The following NEMP2 variants were observed in gnomAD, a reference collection of about 807,000 sequenced individuals.
NEMP2 encodes the protein nuclear envelope integral membrane protein 2.
NEMP2 carries 53 observed loss-of-function variants against 54.2 expected under a neutral mutation model. The ratio of observed to expected loss-of-function variants is 0.98; its 90% CI spans 0.78 to 1.23. The LOEUF (loss-of-function observed/expected upper bound fraction) is 1.23. NEMP2 is among the 50% of genes most tolerant of loss of function. The probability of loss-of-function intolerance (pLI) is 0.00; values close to 1 mark genes in which losing one functional copy is unlikely to be tolerated. For missense variants in NEMP2, 455 were observed against 511.3 expected, an observed-to-expected ratio of 0.89 and a Z score of 1.06; for synonymous variants, 197 against 190.3, an observed-to-expected ratio of 1.04 and a Z score of -0.29.
At chr2:190,447,586 G>A in the NEMP2 span, among the ~76,000 whole-genome samples, 1 of 152,140 alleles carries the variant, frequency 6.6e-6, no homozygotes, top group Admixed American at 6.5e-5. This position sits in a 1 kb window ranked among gnomAD's most constrained non-coding sequence, Gnocchi z 4.5. Context: ...TTAGTGCCAC[G>A]TTTTAGGCAT....
chr2:190,643,029 T>TTTG, the NEMP2 span, among the ~76,000 whole-genome samples: 2 of 149,410 alleles, frequency 1.3e-5, no homozygotes, highest in Admixed American at 6.7e-5. Context: ...TAAGGTTTTT[T>TTTG]TTTTTTTTTT....
At chr2:190,473,386 A>G in the NEMP2 span, among the ~76,000 whole-genome samples, 5 of 152,334 alleles carry the variant, frequency 3.3e-5, no homozygotes, top group East Asian at 9.6e-4. Context: ...AAAGGGATGG[A>G]GGAAGATCTA....
downstream of NEMP2, among the ~76,000 whole-genome samples, chr2:190,504,170 G>A (rs760865960): frequency 6.4e-4 from 97 of 152,228 alleles, no homozygotes; most frequent in Admixed American, 2.4e-3. This position sits in a 1 kb window ranked among gnomAD's most constrained non-coding sequence, Gnocchi z 5.6. Context: ...ACATCTCTGG[G>A]CCTCAGGACC....
the NEMP2 span, among the ~76,000 whole-genome samples, chr2:190,437,967 T>C: frequency 1.4e-3 from 210 of 152,274 alleles, no homozygotes; most frequent in African/African-American, 4.6e-3. This position sits in a 1 kb window ranked among gnomAD's most constrained non-coding sequence, Gnocchi z 5.9. Context: ...TTTTTAAGCC[T>C]TTATTCTCAG....
chr2:190,623,895 A>T, the NEMP2 span, among the ~76,000 whole-genome samples: 23 of 152,364 alleles, frequency 1.5e-4, no homozygotes, highest in East Asian at 3.9e-4. Context: ...CAACCTACAG[A>T]ACGGGAGAAA....
the NEMP2 span, among the ~76,000 whole-genome samples, chr2:190,635,401 G>C: frequency 6.6e-6 from 1 of 152,118 alleles, no homozygotes. The surrounding 1 kb of genome is among the most constrained non-coding windows in gnomAD (Gnocchi z 4.1). Flanking sequence ...TTTTTGTAGA[G>C]CAGGGCCTTG....
At chr2:190,551,651 G>C in the NEMP2 span, among the ~76,000 whole-genome samples, 3 of 152,160 alleles carry the variant, frequency 2.0e-5, no homozygotes, top group Non-Finnish European at 4.4e-5. Flanking sequence ...TGTCTTTCTT[G>C]TGTAGGGATT....
chr2:190,532,758 A>T (rs559573430), intron 1 of NEMP2, among the ~76,000 whole-genome samples: 34 of 152,350 alleles, frequency 2.2e-4, no homozygotes, highest in Admixed American at 5.9e-4. Flanking sequence ...AAGAAACCAT[A>T]GACTTTTAAA....
In NEMP2 at chr2:190,531,175, T is replaced by C. The variant is rs1483496651; in HGVS notation, c.97+3384A>G. ...CATTCATTTGGTCAAAAGGGAACAA[T>C]ACCTGCCTAGGGAAAGCTACTGCTT... On this transcript the variant is annotated intron_variant, in intron 1 of 8. Coordinates refer to ENST00000409150, the MANE Select transcript of NEMP2 (RefSeq NM_001142645.2). This position sits in a 1 kb window ranked among gnomAD's most constrained non-coding sequence, Gnocchi z 4.7. Among the ~76,000 whole-genome samples, 1 of 152,228 alleles carries C rather than the reference T, an allele frequency of 6.6e-6. No homozygotes were observed. Among genetic ancestry groups the C allele is most frequent in the Non-Finnish European group, 1.5e-5 (1 of 68,038 alleles).
chr2:190,634,687 C>T, the NEMP2 span, among the ~76,000 whole-genome samples: 13 of 152,220 alleles, frequency 8.5e-5, no homozygotes, highest in Admixed American at 2.0e-4. The surrounding 1 kb of genome is among the most constrained non-coding windows in gnomAD (Gnocchi z 6.8). Flanking sequence ...CAACCGTTGG[C>T]TCCTCATATC....
chr2:190,426,414 TTC>T, the NEMP2 span, among the ~76,000 whole-genome samples: 9 of 152,194 alleles, frequency 5.9e-5, no homozygotes, highest in East Asian at 1.9e-4. The surrounding 1 kb of genome is among the most constrained non-coding windows in gnomAD (Gnocchi z 4.7). Context: ...TGCTGAGACT[TTC>T]TGTTTTTTTT....
the NEMP2 span, among the ~76,000 whole-genome samples, chr2:190,570,223 C>T: frequency 1.3e-5 from 2 of 152,156 alleles, no homozygotes; most frequent in Non-Finnish European, 2.9e-5. The surrounding 1 kb of genome is among the most constrained non-coding windows in gnomAD (Gnocchi z 5.4). Flanking sequence ...AAGTCTTGTT[C>T]ATTTGTTTAC....
chr2:190,605,646 G>T, the NEMP2 span, among the ~76,000 whole-genome samples: 1 of 152,100 alleles, frequency 6.6e-6, no homozygotes, highest in African/African-American at 2.4e-5. Context: ...CAAAGTGCTG[G>T]GATTACAGGT....
At chr2:190,555,638 C>A in the NEMP2 span, among the ~76,000 whole-genome samples, 1 of 151,756 alleles carries the variant, frequency 6.6e-6, no homozygotes, top group Non-Finnish European at 1.5e-5. This position sits in a 1 kb window ranked among gnomAD's most constrained non-coding sequence, Gnocchi z 4.8. Context: ...TGAAAAGGAA[C>A]AAACAAAGCC....
At chr2:190,559,341 T>C in the NEMP2 span, among the ~76,000 whole-genome samples, 1 of 152,166 alleles carries the variant, frequency 6.6e-6, no homozygotes, top group Non-Finnish European at 1.5e-5. This position sits in a 1 kb window ranked among gnomAD's most constrained non-coding sequence, Gnocchi z 4.0. Flanking sequence ...ATAGGAGAGT[T>C]GCAGCTCAGG....
chr2:190,586,234 A>G, the NEMP2 span, among the ~76,000 whole-genome samples: 1 of 152,304 alleles, frequency 6.6e-6, no homozygotes, highest in African/African-American at 2.4e-5. This position sits in a 1 kb window ranked among gnomAD's most constrained non-coding sequence, Gnocchi z 4.5. Flanking sequence ...GTCTAACCCT[A>G]TTCTTTTTAG....
At chr2:190,453,311 C>T in the NEMP2 span, among the ~76,000 whole-genome samples, 2 of 151,864 alleles carry the variant, frequency 1.3e-5, no homozygotes, top group African/African-American at 2.4e-5. Context: ...GGAAGAGGAT[C>T]CTGGAGTTTG....
the NEMP2 span, among the ~76,000 whole-genome samples, chr2:190,443,245 C>T: frequency 1.3e-5 from 2 of 152,248 alleles, 1 homozygote; most frequent in South Asian, 4.2e-4. This position sits in a 1 kb window ranked among gnomAD's most constrained non-coding sequence, Gnocchi z 4.2. Flanking sequence ...CGAGCAGAGG[C>T]TGAGTCAGAT....
upstream of NEMP2, among the ~76,000 whole-genome samples, chr2:190,538,675 C>G (rs762071409): frequency 1.3e-5 from 2 of 151,994 alleles, no homozygotes; most frequent in Non-Finnish European, 2.9e-5. This position sits in a 1 kb window ranked among gnomAD's most constrained non-coding sequence, Gnocchi z 4.1. Flanking sequence ...TGAGATACCT[C>G]ATTGTGATTT....
Sources: gnomAD v4.1 joint callset for allele counts (sites outside exome capture counted in the v4.1 genomes callset) on GRCh38, gnomAD v4.1.1 for gene constraint, Gnocchi (gnomAD v3.1) non-coding constraint, MANE v1.5 for transcripts, NCBI Gene and HGNC (gene_info 2026-07-23, HGNC 2026-07-21) for gene names.